The following CYP4V2 variants were observed in gnomAD, a reference collection of about 807,000 sequenced individuals.
CYP4V2 encodes cytochrome P450 family 4 subfamily V member 2, also known as cytochrome P450 4V2.
Under a neutral mutation model 60.8 loss-of-function variants are expected in CYP4V2, and 55 were observed. The observed-to-expected ratio is 0.90, with a 90% CI of 0.73 to 1.13. CYP4V2 has a LOEUF of 1.13. Among genes scored for constraint, CYP4V2 ranks in the 50% most tolerant of loss-of-function variants. CYP4V2 has a pLI of 0.00. For synonymous variants in CYP4V2, 239 were observed against 236.8 expected (o/e 1.01, Z -0.08); for missense variants, 675 against 662.9 (o/e 1.02, Z -0.20).
intron 7 of CYP4V2, chr4:186,204,287 G>A (rs1299237937): frequency 6.6e-6 from 1 of 152,636 alleles, no homozygotes; most frequent in Non-Finnish European, 1.4e-5. Flanking sequence ...CGGTGGAGAC[G>A]CTACGCTGGC....
intron 1 of CYP4V2, 89 bp downstream of exon 1, chr4:186,192,126 C>T: frequency 6.7e-7 from 1 of 1,482,512 alleles, no homozygotes; most frequent in Non-Finnish European, 9.1e-7. Context: ...GCTTGTGGCG[C>T]TGGCCGCAGG....
intron 6 of CYP4V2, 147 bp from the exon 7 acceptor site, chr4:186,201,010 A>G (rs1292796941): frequency 1.2e-6 from 1 of 822,546 alleles, no homozygotes; most frequent in South Asian, 1.7e-5. Flanking sequence ...GCTTTACTGT[A>G]TTTTCACAAG....
At chr4:186,209,033 G>A (rs1300408022) in intron 9 of CYP4V2, 34 bp downstream of exon 9, 1 of 1,614,084 alleles carries the variant, frequency 6.2e-7, no homozygotes, top group African/African-American at 1.3e-5. Flanking sequence ...GAAGGGAGAG[G>A]GAAACTTTCT....
chr4:186,191,636 C>T lies in CYP4V2; in HGVS notation c.-188C>T, dbSNP rs1221924871. The T allele has an allele frequency of 1.5e-5, 6 of 410,298 alleles. No homozygotes were observed. Among genetic ancestry groups the T allele is most frequent in the African/African-American group, 8.4e-5 (4 of 47,584 alleles). 25.4% of individuals were successfully genotyped at this position (410,298 alleles called of 1,614,324 possible). A position where few individuals can be genotyped will look rare whatever the true frequency, so the allele number is the denominator to read the frequency against. On this transcript the variant is annotated 5_prime_UTR_variant, in exon 1 of 11. Coordinates refer to ENST00000378802, the MANE Select transcript of CYP4V2 (RefSeq NM_207352.4). Reference sequence around the variant, plus strand: ...TAGGCCGGGCCGGGCGCAGGAACAGCCCCGTGGCGCCCTCTCTGGCCGCCG... The same window carrying T: ...TAGGCCGGGCCGGGCGCAGGAACAGTCCCGTGGCGCCCTCTCTGGCCGCCG...
intron 5 of CYP4V2, 85 bp downstream of exon 5, chr4:186,197,687 T>G: frequency 1.4e-6 from 2 of 1,394,664 alleles, no homozygotes; most frequent in South Asian, 2.4e-5. Context: ...GCGTTGTATC[T>G]TTTTATGGTT....
chr4:186,198,893 A>T (rs980868011), intron 5 of CYP4V2, 64 bp from the exon 6 acceptor site: 4 of 1,611,680 alleles, frequency 2.5e-6, no homozygotes, highest in Non-Finnish European at 3.4e-6. Flanking sequence ...CCAGGTACTA[A>T]AGAAGTGCTC....
intron 8 of CYP4V2, 23 bp downstream of exon 8, chr4:186,205,325 T>A: frequency 6.2e-7 from 1 of 1,601,452 alleles, no homozygotes; most frequent in South Asian, 1.1e-5. Flanking sequence ...CCTTCACTGG[T>A]TATATTGTGG....
intron 6 of CYP4V2, among the ~76,000 whole-genome samples, chr4:186,200,578 G>A (rs770866160): frequency 6.6e-6 from 1 of 152,148 alleles, no homozygotes; most frequent in Non-Finnish European, 1.5e-5. Context: ...GCATTGTTAG[G>A]AGGCGTCGCA....
At position 186,212,139 on chromosome 4, in the gene CYP4V2, G is replaced by C. The variant is rs1736743737; in HGVS notation, c.*1498G>C. 6.6e-6 allele frequency: 1 copy of C among 152,104 alleles called. No individual in the cohort carries two copies. The highest frequency in any genetic ancestry group is 2.4e-5 in the African/African-American group (1 of 41,410). The allele number at this position is 152,104 out of a possible 1,614,324, so 9.4% of individuals were successfully genotyped here. Reference sequence around the variant, plus strand: ...GGTGACAGAGCTGGAAATACGTAGAGATCTATACCCTTAAATCTCTCCACT... The same window carrying C: ...GGTGACAGAGCTGGAAATACGTAGACATCTATACCCTTAAATCTCTCCACT... On this transcript the variant is annotated 3_prime_UTR_variant, in exon 11 of 11. Coordinates refer to ENST00000378802, the MANE Select transcript of CYP4V2 (RefSeq NM_207352.4).
At chr4:186,206,739 GT>G (rs1736518849) in intron 8 of CYP4V2, among the ~76,000 whole-genome samples, 1 of 152,212 alleles carries the variant, frequency 6.6e-6, no homozygotes, top group Non-Finnish European at 1.5e-5. Flanking sequence ...TGGAAAAGCA[GT>G]TTTGTGTGCA....
At position 186,212,600 on chromosome 4, in the gene CYP4V2, C is replaced by T. The variant is rs1736761777; in HGVS notation, c.*1959C>T. ...GATTCCTCAGTAATCTCCAATCTCT[C>T]ATAGTGCCTCACAGGGTTGGTCAAT... On this transcript the variant is annotated 3_prime_UTR_variant, in exon 11 of 11. Transcript: ENST00000378802. 6.6e-6 allele frequency: 1 copy of T among 152,228 alleles called. No individual in the cohort carries two copies. The highest frequency in any genetic ancestry group is 1.5e-5 in the Non-Finnish European group (1 of 68,052). 9.4% of individuals were successfully genotyped at this position (152,228 alleles called of 1,614,324 possible). A position where few individuals can be genotyped will look rare whatever the true frequency, so the allele number is the denominator to read the frequency against.
chr4:186,210,671 A>G lies in CYP4V2; in HGVS notation c.*30A>G, dbSNP rs752992318. ...ATTATTGGGTTGTGCCTTTATCATG[A>G]GAAAGGTCTTTATTTTAAGAGATCC... On this transcript the variant is annotated 3_prime_UTR_variant, in exon 11 of 11. Coordinates refer to ENST00000378802, the MANE Select transcript of CYP4V2 (RefSeq NM_207352.4). 6 of 1,613,530 alleles carry G rather than the reference A, an allele frequency of 3.7e-6. No homozygotes were observed. The South Asian group carries it at 5.5e-5, about 15-fold the overall frequency.
rs934552351 is a variant in CYP4V2, at chr4:186,209,269, A to G, written c.1402A>G (p.Ile468Val). The change falls in exon 10 of 11, where the codon ATA (isoleucine) becomes GTA (valine). Residue 468 changes from isoleucine (I) to valine (V), a missense_variant. Transcript: ENST00000378802. ...CTTCTCTGCTGGCCCCAGGAACTGT[A>G]TAGGTTTGTATCCATCTGAATTGGT... ...VPFSAGPRNC[I>V]GQKFAVMEEK... 3.7e-6 allele frequency: 6 copies of G among 1,613,488 alleles called. No individual in the cohort carries two copies. Among genetic ancestry groups the G allele is most frequent in the Admixed American group, 3.3e-5 (2 of 59,974 alleles).
chr4:186,209,168 C>T lies in CYP4V2; in HGVS notation c.1301C>T (p.Pro434Leu), dbSNP rs377733155. Reference sequence around the variant, plus strand: ...TTGCACAGAGATCCGAGATACTTCCCCAACCCCGAGGAGTTCCAGCCTGAG... The same window carrying T: ...TTGCACAGAGATCCGAGATACTTCCTCAACCCCGAGGAGTTCCAGCCTGAG... ...YALHRDPRYF[P>L]NPEEFQPERF... The change falls in exon 10 of 11, where the codon CCC (proline) becomes CTC (leucine). Residue 434 changes from proline (P) to leucine (L), a missense_variant. Coordinates refer to ENST00000378802, the MANE Select transcript of CYP4V2 (RefSeq NM_207352.4). 2.5e-6 allele frequency: 4 copies of T among 1,613,972 alleles called. No homozygotes were observed. The highest frequency in any genetic ancestry group is 3.4e-6 in the Non-Finnish European group (4 of 1,180,022).
intron 8 of CYP4V2, among the ~76,000 whole-genome samples, chr4:186,208,251 G>A (rs759479572): frequency 4.2e-4 from 61 of 144,830 alleles, no homozygotes; most frequent in Admixed American, 1.9e-3. Flanking sequence ...TATTTGATGC[G>A]TATTTGATGG....
chr4:186,198,736 A>C (rs1371831564), intron 5 of CYP4V2, among the ~76,000 whole-genome samples: 1 of 152,130 alleles, frequency 6.6e-6, no homozygotes, highest in Non-Finnish European at 1.5e-5. Flanking sequence ...TTTATAATGA[A>C]TCCTTCATTC....
intron 3 of CYP4V2, 99 bp from the exon 4 acceptor site, chr4:186,196,841 C>A: frequency 1.6e-6 from 2 of 1,260,246 alleles, no homozygotes; most frequent in Non-Finnish European, 1.1e-6. Flanking sequence ...ATTTTGTTGA[C>A]TTGCTATATT....
chr4:186,206,082 G>T (rs566198573), intron 8 of CYP4V2, among the ~76,000 whole-genome samples: 1 of 152,334 alleles, frequency 6.6e-6, no homozygotes, highest in East Asian at 1.9e-4. Flanking sequence ...TCCACTCCTT[G>T]TCTCTTCAGC....
In CYP4V2 at chr4:186,201,186, C is replaced by T. The variant is rs72646276; in HGVS notation, c.831C>T (p.Asn277=). The T allele has an allele frequency of 5.6e-6, 9 of 1,613,982 alleles. No individual in the cohort carries two copies. The highest frequency in any genetic ancestry group is 2.2e-5 in the South Asian group (2 of 91,088). ...TCGCTGAACGGGCCAATGAAATGAA[C>T]GCCAATGAAGACTGTAGAGGTGATG... ...SVIAERANEM[N]ANEDCRGDGR... Residue 277 remains asparagine (N), a synonymous_variant, in exon 7 of 11, where the codon AAC becomes AAT. Coordinates refer to ENST00000378802, the MANE Select transcript of CYP4V2 (RefSeq NM_207352.4).
Sources: allele counts gnomAD v4.1 joint callset (sites outside exome capture counted in the v4.1 genomes callset), GRCh38; gene constraint gnomAD v4.1.1; transcripts MANE v1.5; gene names NCBI Gene and HGNC (gene_info 2026-07-23, HGNC 2026-07-21).